Variants in MTMR2 observed in about 807,000 individuals in gnomAD.
MTMR2 encodes the protein phosphatidylinositol-3,5-bisphosphate 3-phosphatase MTMR2.
A neutral mutation model predicts 86.9 loss-of-function variants in MTMR2; 55 were observed. That is an observed-to-expected ratio of 0.63 (90% CI 0.51 to 0.79). The LOEUF is 0.79. Ranked by LOEUF, MTMR2 falls within the 30% of genes least tolerant of loss-of-function variation. The pLI is 0.00. For missense variants in MTMR2, 659 were observed against 772.3 expected (o/e 0.85, Z 1.74); for synonymous variants, 241 against 266.8 (o/e 0.90, Z 0.94).
Position 95,924,091 on chromosome 11 carries a change from A to C in MTMR2, c.-137T>G. 8.7e-7 allele frequency: 1 copy of C among 1,154,152 alleles called. No homozygotes were observed. Among genetic ancestry groups the C allele is most frequent in the Non-Finnish European group, 1.3e-6 (1 of 793,906 alleles). The allele number at this position is 1,154,152 out of a possible 1,614,324, so 71.5% of individuals were successfully genotyped here. A position where few individuals can be genotyped will look rare whatever the true frequency, so the allele number is the denominator to read the frequency against. ...CCCGGGAGGGAGACCGGAAGCGGCCATGTTCCCCCAGAGTGCACCGCGCCT... is the reference window on the plus strand; with the variant it reads ...CCCGGGAGGGAGACCGGAAGCGGCCCTGTTCCCCCAGAGTGCACCGCGCCT... On this transcript the variant is annotated 5_prime_UTR_variant, in exon 1 of 15. The change abolishes an upstream ATG in the 5' untranslated region. Transcript: ENST00000346299.
chr11:95,862,081 C>T lies in MTMR2; in HGVS notation c.379G>A (p.Ala127Thr). The change falls in exon 5 of 15, where the codon GCT (alanine) becomes ACT (threonine). Residue 127 changes from alanine to threonine, a missense_variant. By Grantham distance (58) the Ala-to-Thr change is moderately conservative. This residue lies in a region of MTMR2 where 387 missense variants were observed against 526.3 expected (regional missense o/e 0.74). Transcript: ENST00000346299. ...MERDPPFVLD[A>T]SLGVINRVEK... ...ACTCTATTTATCACACCAAGGGAAG[C>T]ATCTAAAACAAATGGGGGATCCTAA... 6.2e-7 allele frequency: 1 copy of T among 1,613,704 alleles called. No homozygotes were observed. The highest frequency in any genetic ancestry group is 8.5e-7 in the Non-Finnish European group (1 of 1,179,802).
chr11:95,871,026 G>A (rs1198260753), intron 2 of MTMR2, among the ~76,000 whole-genome samples: 1 of 151,904 alleles, frequency 6.6e-6, no homozygotes, highest in Non-Finnish European at 1.5e-5. Flanking sequence ...TGAGAATGAT[G>A]GTTTCCAGCT....
chr11:95,859,385 T>C (rs1396455951), intron 5 of MTMR2, among the ~76,000 whole-genome samples: 1 of 152,208 alleles, frequency 6.6e-6, no homozygotes, highest in Non-Finnish European at 1.5e-5. Context: ...ACTGGTATCT[T>C]AACAGCACTT....
intron 1 of MTMR2, among the ~76,000 whole-genome samples, chr11:95,905,619 T>C (rs1415393569): frequency 6.6e-6 from 1 of 152,186 alleles, no homozygotes; most frequent in Non-Finnish European, 1.5e-5. Context: ...CTTTAATTCA[T>C]ACCTATTAAA....
intron 12 of MTMR2, 145 bp from the exon 13 acceptor site, chr11:95,838,352 CG>C (rs1555057381): frequency 3.1e-6 from 2 of 644,418 alleles, no homozygotes; most frequent in Non-Finnish European, 5.7e-6. Context: ...TGGCATTATT[CG>C]TATGGTTTTC....
chr11:95,911,926 T>C (rs890951748), intron 1 of MTMR2, among the ~76,000 whole-genome samples: 6 of 152,166 alleles, frequency 3.9e-5, no homozygotes, highest in Admixed American at 3.9e-4. Flanking sequence ...TAGAAAGTCA[T>C]ATATCCATTA....
chr11:95,917,426 C>T (rs183853737), intron 1 of MTMR2, among the ~76,000 whole-genome samples: 1 of 152,124 alleles, frequency 6.6e-6, no homozygotes, highest in South Asian at 2.1e-4. Flanking sequence ...TGGGCATAAT[C>T]CAAACTTTAC....
intron 2 of MTMR2, among the ~76,000 whole-genome samples, chr11:95,885,151 C>CATGT (rs1214771149): frequency 2.6e-5 from 4 of 152,096 alleles, no homozygotes; most frequent in African/African-American, 7.2e-5. Context: ...CTAAGGTAGT[C>CATGT]ATGTAATTCA....
At chr11:95,870,400 G>A (rs560532902) in intron 2 of MTMR2, among the ~76,000 whole-genome samples, 1 of 151,996 alleles carries the variant, frequency 6.6e-6, no homozygotes, top group Non-Finnish European at 1.5e-5. Flanking sequence ...TGGTCAAGGA[G>A]GGCAAAGAAA....
chr11:95,868,273 TAAAAAAAAAAAAAA>T (rs555618890), intron 2 of MTMR2, among the ~76,000 whole-genome samples: 6 of 42,214 alleles, frequency 1.4e-4, no homozygotes, highest in African/African-American at 4.8e-4. Flanking sequence ...GACCCTGTGC[TAAAAAAAAAAAAAA>T]AAAAAAAAAA....
At chr11:95,920,075 A>C (rs960649089) in intron 1 of MTMR2, among the ~76,000 whole-genome samples, 1 of 152,190 alleles carries the variant, frequency 6.6e-6, no homozygotes, top group African/African-American at 2.4e-5. Flanking sequence ...TATTTTACCT[A>C]TATCTTATAA....
chr11:95,894,612 AT>A (rs2135564304), intron 1 of MTMR2, among the ~76,000 whole-genome samples: 1 of 152,314 alleles, frequency 6.6e-6, no homozygotes, highest in South Asian at 2.1e-4. Context: ...AATAAATATT[AT>A]TCCCACTATG....
chr11:95,872,322 GA>G (rs2135504972), intron 2 of MTMR2, among the ~76,000 whole-genome samples: 1 of 152,252 alleles, frequency 6.6e-6, no homozygotes, highest in Admixed American at 6.5e-5. Flanking sequence ...AGTTCTCCTT[GA>G]AGAGGTCCTT....
Position 95,921,601 on chromosome 11 carries a change from A to G in MTMR2, c.80+2274T>C, listed in dbSNP as rs541805923. On this transcript the variant is annotated intron_variant, in intron 1 of 14. Transcript: ENST00000346299. ...AACTAGTGTCTATAATGTATCTATTACATACTGTTGATTAAGGAGAGTGCC... is the reference window on the plus strand; with the variant it reads ...AACTAGTGTCTATAATGTATCTATTGCATACTGTTGATTAAGGAGAGTGCC... 4.6e-5 allele frequency among the ~76,000 whole-genome samples: 7 copies of G among 152,320 alleles called. No individual in the cohort carries two copies. The South Asian group carries it at 1.4e-3, about 32-fold the overall frequency.
intron 1 of MTMR2, among the ~76,000 whole-genome samples, chr11:95,901,565 T>C (rs1866074926): frequency 6.6e-6 from 1 of 152,108 alleles, no homozygotes; most frequent in African/African-American, 2.4e-5. Context: ...TGGAATATAG[T>C]ATCAAATTAG....
At chr11:95,861,052 C>T (rs1398404680) in intron 5 of MTMR2, among the ~76,000 whole-genome samples, 2 of 150,610 alleles carry the variant, frequency 1.3e-5, no homozygotes, top group African/African-American at 2.4e-5. Flanking sequence ...CCCAGCTACT[C>T]GAGAGGCTGA....
intron 1 of MTMR2, among the ~76,000 whole-genome samples, chr11:95,904,289 T>C (rs1340478321): frequency 6.6e-6 from 1 of 152,216 alleles, no homozygotes; most frequent in Non-Finnish European, 1.5e-5. Context: ...AAACAAAGTA[T>C]TATTTCTCTC....
chr11:95,904,360 A>G (rs1012450440), intron 1 of MTMR2, among the ~76,000 whole-genome samples: 13 of 152,210 alleles, frequency 8.5e-5, no homozygotes, highest in Non-Finnish European at 1.8e-4. Flanking sequence ...AAATTCACTG[A>G]AAGAGATGTC....
chr11:95,889,454 G>A (rs993731009), intron 1 of MTMR2, among the ~76,000 whole-genome samples: 9 of 144,416 alleles, frequency 6.2e-5, no homozygotes, highest in Admixed American at 2.9e-4. Flanking sequence ...ACCTGATCAC[G>A]CTTTTATTGT....
Sources: allele counts gnomAD v4.1 joint callset (sites outside exome capture counted in the v4.1 genomes callset), GRCh38; gene constraint gnomAD v4.1.1; regional missense constraint gnomAD v4.1.1; transcripts MANE v1.5; gene names NCBI Gene and HGNC (gene_info 2026-07-23, HGNC 2026-07-21).